CSMD3: variants seen among roughly 807,000 people sequenced by gnomAD.
CSMD3 encodes CUB and Sushi multiple domains 3.
CSMD3 carries 177 observed loss-of-function variants against 435.2 expected under a neutral mutation model. The ratio of observed to expected loss-of-function variants is 0.41; its 90% CI spans 0.36 to 0.46. The LOEUF (loss-of-function observed/expected upper bound fraction) is 0.46, where lower values mean the gene tolerates loss of function less well. Ranked by LOEUF, CSMD3 falls within the 20% of genes least tolerant of loss-of-function variation. CSMD3 has a pLI of 0.34. For missense variants in CSMD3, 4,265 were observed against 4,504.6 expected, an observed-to-expected ratio of 0.95 and a Z score of 1.52; for synonymous variants, 1,656 against 1,520.5, an observed-to-expected ratio of 1.09 and a Z score of -2.07.
chr8:112,991,994 C>A (rs1037349217), intron 6 of CSMD3, among the ~76,000 whole-genome samples: 32 of 151,724 alleles, frequency 2.1e-4, no homozygotes, highest in African/African-American at 7.7e-4. Context: ...AGGTGAGGTC[C>A]TGTAATGAGT....
intron 7 of CSMD3, among the ~76,000 whole-genome samples, chr8:112,960,730 T>C (rs2130861832): frequency 6.6e-6 from 1 of 151,842 alleles, no homozygotes; most frequent in African/African-American, 2.4e-5. Flanking sequence ...GAAAAATTCA[T>C]TGGTAGAGAT....
chr8:112,359,973 C>G (rs1827025570), intron 38 of CSMD3, among the ~76,000 whole-genome samples: 1 of 152,068 alleles, frequency 6.6e-6, no homozygotes. Flanking sequence ...ATTGCCTTCC[C>G]TGTGTATTAA....
intron 32 of CSMD3, among the ~76,000 whole-genome samples, chr8:112,448,777 A>C (rs1185572964): frequency 2.1e-5 from 3 of 143,284 alleles, no homozygotes; most frequent in South Asian, 2.3e-4. Flanking sequence ...AAAAAAAAAA[A>C]ACCAAAAACC....
At chr8:113,216,847 G>A (rs2092911813) in intron 3 of CSMD3, among the ~76,000 whole-genome samples, 1 of 151,824 alleles carries the variant, frequency 6.6e-6, no homozygotes, top group Admixed American at 6.6e-5. Flanking sequence ...ATGCTAGAAG[G>A]GAGGAGGAAG....
intron 3 of CSMD3, among the ~76,000 whole-genome samples, chr8:113,206,367 G>A (rs2092771056): frequency 6.6e-6 from 1 of 151,838 alleles, no homozygotes; most frequent in African/African-American, 2.4e-5. Context: ...TCATTATTTT[G>A]CAATCAATGA....
At chr8:113,176,244 T>C (rs1318954542) in intron 3 of CSMD3, among the ~76,000 whole-genome samples, 1 of 152,120 alleles carries the variant, frequency 6.6e-6, no homozygotes, top group East Asian at 1.9e-4. Context: ...CATCTTCATA[T>C]AGAGAAATAT....
chr8:112,817,405 AT>A (rs2079404501), intron 12 of CSMD3, among the ~76,000 whole-genome samples: 4 of 151,080 alleles, frequency 2.6e-5, no homozygotes, highest in Non-Finnish European at 5.9e-5. Flanking sequence ...TATCAGATGA[AT>A]TTATACGTAA....
intron 1 of CSMD3, among the ~76,000 whole-genome samples, chr8:113,397,237 A>C (rs1397240585): frequency 1.3e-5 from 2 of 152,094 alleles, no homozygotes; most frequent in African/African-American, 2.4e-5. Flanking sequence ...CTCCATCTTT[A>C]AATTTGTTTT....
chr8:112,586,328 A>G (rs894980573), intron 23 of CSMD3, among the ~76,000 whole-genome samples: 50 of 151,632 alleles, frequency 3.3e-4, no homozygotes, highest in African/African-American at 1.2e-3. Flanking sequence ...TATTTTAAAA[A>G]CATTTAAATG....
At chr8:113,170,233 T>C (rs1406175291) in intron 4 of CSMD3, among the ~76,000 whole-genome samples, 1 of 152,134 alleles carries the variant, frequency 6.6e-6, no homozygotes, top group Non-Finnish European at 1.5e-5. Context: ...ATCTTTTCTT[T>C]GGAAATGAAT....
chr8:112,330,751 A>T (rs1389999374), intron 45 of CSMD3, among the ~76,000 whole-genome samples: 2 of 152,120 alleles, frequency 1.3e-5, no homozygotes, highest in Non-Finnish European at 2.9e-5. Flanking sequence ...AAAAATGAAA[A>T]TCACTTTGAC....
At chr8:113,123,079 T>C (rs1190883462) in intron 4 of CSMD3, among the ~76,000 whole-genome samples, 3 of 117,824 alleles carry the variant, frequency 2.5e-5, no homozygotes, top group Non-Finnish European at 4.9e-5. Flanking sequence ...CTTTTAGATT[T>C]CACTCCAAGA....
chr8:112,801,619 C>T (rs1035485646), intron 12 of CSMD3, among the ~76,000 whole-genome samples: 15 of 151,976 alleles, frequency 9.9e-5, no homozygotes, highest in Admixed American at 2.6e-4. Context: ...TCTATATATA[C>T]ACATAATCAT....
At chr8:112,550,971 C>CT in intron 26 of CSMD3, 98 bp from the exon 27 acceptor site, 1 of 809,352 alleles carries the variant, frequency 1.2e-6, no homozygotes, top group Admixed American at 1.9e-5. Flanking sequence ...CTAGATAGTT[C>CT]TTTTTTGCTA....
intron 6 of CSMD3, among the ~76,000 whole-genome samples, chr8:112,977,070 AT>A (rs1430053188): frequency 4.6e-5 from 7 of 151,916 alleles, no homozygotes; most frequent in Admixed American, 3.3e-4. Flanking sequence ...TTGCTTTTTC[AT>A]TTTATTTAAT....
chr8:113,259,564 A>C (rs2093410373), intron 3 of CSMD3, among the ~76,000 whole-genome samples: 1 of 152,050 alleles, frequency 6.6e-6, no homozygotes, highest in African/African-American at 2.4e-5. Context: ...CATGTAGAAC[A>C]TGAGTGTAGG....
chr8:112,693,143 T>A (rs1433743310), intron 13 of CSMD3, among the ~76,000 whole-genome samples: 1 of 152,080 alleles, frequency 6.6e-6, no homozygotes, highest in African/African-American at 2.4e-5. Context: ...GACAAGGATT[T>A]CTGCTCCATG....
At chr8:112,697,450 G>A (rs928092712) in intron 13 of CSMD3, among the ~76,000 whole-genome samples, 10 of 151,938 alleles carry the variant, frequency 6.6e-5, no homozygotes, top group African/African-American at 2.4e-4. Flanking sequence ...TTGTAGGGAC[G>A]TGGATGTTTG....
At chr8:112,659,114 A>T (rs2075320132) in intron 17 of CSMD3, among the ~76,000 whole-genome samples, 1 of 152,190 alleles carries the variant, frequency 6.6e-6, no homozygotes, top group Non-Finnish European at 1.5e-5. Flanking sequence ...ATTGAAACAT[A>T]AAGAGACTTA....
Sources: allele counts gnomAD v4.1 joint callset (sites outside exome capture counted in the v4.1 genomes callset), GRCh38; gene constraint gnomAD v4.1.1; transcripts MANE v1.5; gene names NCBI Gene and HGNC (gene_info 2026-07-23, HGNC 2026-07-21).